ADAMTS3: variants seen among roughly 807,000 people sequenced by gnomAD.
ADAMTS3 encodes the protein ADAM metallopeptidase with thrombospondin type 1 motif 3.
Under a neutral mutation model 129.0 loss-of-function variants are expected in ADAMTS3, and 73 were observed. The observed-to-expected ratio is 0.57, with a 90% CI of 0.47 to 0.69. ADAMTS3 has a LOEUF of 0.69. Ranked by LOEUF, ADAMTS3 falls within the 30% of genes least tolerant of loss-of-function variation. The pLI is 0.00. For synonymous variants in ADAMTS3, 477 were observed against 510.8 expected, an observed-to-expected ratio of 0.93 and a Z score of 0.89; for missense variants, 1,457 against 1,514.5, an observed-to-expected ratio of 0.96 and a Z score of 0.63.
At chr4:72,491,007 T>C (rs964867374) in intron 3 of ADAMTS3, among the ~76,000 whole-genome samples, 5 of 152,064 alleles carry the variant, frequency 3.3e-5, no homozygotes, top group Middle Eastern at 3.4e-3. Flanking sequence ...CAATGCTTTA[T>C]AGTTTTTAGT....
intron 3 of ADAMTS3, among the ~76,000 whole-genome samples, chr4:72,422,652 A>G (rs910300506): frequency 3.9e-5 from 6 of 152,152 alleles, no homozygotes; most frequent in Non-Finnish European, 8.8e-5. Flanking sequence ...TTCAGAATTA[A>G]GTCAGATAGC....
At chr4:72,465,779 T>C (rs1578705354) in intron 3 of ADAMTS3, among the ~76,000 whole-genome samples, 5 of 151,950 alleles carry the variant, frequency 3.3e-5, no homozygotes, top group Admixed American at 2.6e-4. Flanking sequence ...GGTGGGGCCA[T>C]GTGGAGATAA....
At chr4:72,320,074 G>A in intron 7 of ADAMTS3, 111 bp from the exon 8 acceptor site, 1 of 794,544 alleles carries the variant, frequency 1.3e-6, no homozygotes, top group Non-Finnish European at 2.1e-6. Context: ...AGGAAACAGG[G>A]GTAGCATTAT....
intron 7 of ADAMTS3, among the ~76,000 whole-genome samples, chr4:72,320,173 C>T (rs573729685): frequency 6.6e-6 from 1 of 152,264 alleles, no homozygotes; most frequent in East Asian, 1.9e-4. Context: ...TTTCTCCTTT[C>T]CTAAGGGAAG....
chr4:72,544,793 G>C (rs776192130), intron 3 of ADAMTS3, among the ~76,000 whole-genome samples: 3 of 152,078 alleles, frequency 2.0e-5, no homozygotes, highest in Non-Finnish European at 4.4e-5. Context: ...TTACTTTTCA[G>C]GCCAACAATA....
intron 17 of ADAMTS3, 139 bp from the exon 18 acceptor site, chr4:72,298,581 T>A: frequency 1.6e-6 from 1 of 645,086 alleles, no homozygotes; most frequent in Non-Finnish European, 2.5e-6. Flanking sequence ...TGTTTTTATT[T>A]CTATAAACCA....
Position 72,439,587 on chromosome 4 carries a change from A to G in ADAMTS3, c.505-24616T>C, listed in dbSNP as rs1041020766. Reference sequence around the variant, plus strand: ...AAGTTTCATTTTTGTTAAAACATGAATGAAAAAAATCATATTATTTAGATT... The same window carrying G: ...AAGTTTCATTTTTGTTAAAACATGAGTGAAAAAAATCATATTATTTAGATT... On this transcript the variant is annotated intron_variant, in intron 3 of 21. Coordinates refer to ENST00000286657, the MANE Select transcript of ADAMTS3 (RefSeq NM_014243.3). Among the ~76,000 whole-genome samples the G allele has an allele frequency of 2.6e-5, 4 of 151,800 alleles. No homozygotes were observed. In the East Asian group the frequency reaches 7.8e-4, roughly 30 times the overall value.
chr4:72,556,124 C>CAGGAAGGA (rs529188663), intron 2 of ADAMTS3, among the ~76,000 whole-genome samples: 1 of 151,338 alleles, frequency 6.6e-6, no homozygotes, highest in Non-Finnish European at 1.5e-5. Context: ...GTGTATATTA[C>CAGGAAGGA]AGGAAGGAAG....
At chr4:72,427,884 C>T (rs895281141) in intron 3 of ADAMTS3, among the ~76,000 whole-genome samples, 6 of 151,886 alleles carry the variant, frequency 4.0e-5, no homozygotes, top group Non-Finnish European at 8.8e-5. Flanking sequence ...ATATCTGTTG[C>T]TAAAATTCCA....
chr4:72,283,254 G>T lies in ADAMTS3; in HGVS notation c.3500C>A (p.Ala1167Asp). 6.2e-7 allele frequency: 1 copy of T among 1,614,052 alleles called. No homozygotes were observed. Among genetic ancestry groups the T allele is most frequent in the Non-Finnish European group, 8.5e-7 (1 of 1,179,950 alleles). The change falls in exon 22 of 22, where the codon GCT (alanine) becomes GAT (aspartate). Residue 1167 changes from alanine (A) to aspartate (D), a missense_variant. Transcript: ENST00000286657. ...HLSSASQMAA[A>D]SFFAASDSIG... ...TGAATCACTGGCTGCAAAGAAGGAA[G>T]CAGCAGCCATTTGTGAAGCTGAACT...
At chr4:72,388,424 T>C (rs1203930990) in intron 4 of ADAMTS3, among the ~76,000 whole-genome samples, 1 of 152,164 alleles carries the variant, frequency 6.6e-6, no homozygotes, top group Non-Finnish European at 1.5e-5. Context: ...GAATTATGTG[T>C]GCTTCCCTAC....
At chr4:72,288,697 C>T in intron 21 of ADAMTS3, 54 bp downstream of exon 21, 2 of 1,170,302 alleles carry the variant, frequency 1.7e-6, no homozygotes, top group Non-Finnish European at 2.5e-6. Context: ...GGAAATTCTG[C>T]TTTTTGAGGT....
intron 5 of ADAMTS3, among the ~76,000 whole-genome samples, chr4:72,336,248 CT>C (rs1167721891): frequency 3.9e-5 from 6 of 152,298 alleles, no homozygotes; most frequent in Admixed American, 6.5e-5. Context: ...GAATTTTTTG[CT>C]GTTAGCTTTC....
intron 5 of ADAMTS3, among the ~76,000 whole-genome samples, chr4:72,334,326 AT>A (rs1262108149): frequency 3.9e-5 from 6 of 152,130 alleles, no homozygotes; most frequent in Non-Finnish European, 7.3e-5. Flanking sequence ...TAACCACCAT[AT>A]ACCTGGCATA....
intron 3 of ADAMTS3, among the ~76,000 whole-genome samples, chr4:72,460,574 A>G (rs901652221): frequency 1.3e-5 from 2 of 151,438 alleles, no homozygotes; most frequent in African/African-American, 2.4e-5. Flanking sequence ...ATATATTAAT[A>G]AAAGTCATAA....
At chr4:72,369,151 T>C (rs1720942299) in intron 4 of ADAMTS3, among the ~76,000 whole-genome samples, 1 of 152,266 alleles carries the variant, frequency 6.6e-6, no homozygotes, top group African/African-American at 2.4e-5. Flanking sequence ...CTACGCATGG[T>C]GTCTTTACTT....
chr4:72,453,452 C>T (rs1718461396), intron 3 of ADAMTS3, among the ~76,000 whole-genome samples: 1 of 151,742 alleles, frequency 6.6e-6, no homozygotes, highest in African/African-American at 2.4e-5. Context: ...CCCAACAATC[C>T]AGCAAGTCAG....
chr4:72,550,862 C>T (rs1721628871), intron 2 of ADAMTS3, among the ~76,000 whole-genome samples: 1 of 152,036 alleles, frequency 6.6e-6, no homozygotes, highest in African/African-American at 2.4e-5. Flanking sequence ...AAAACATAGC[C>T]CAAATTAACT....
At chr4:72,483,235 G>A (rs1001995035) in intron 3 of ADAMTS3, among the ~76,000 whole-genome samples, 1 of 152,084 alleles carries the variant, frequency 6.6e-6, no homozygotes, top group South Asian at 2.1e-4. Flanking sequence ...GACAGTTTAT[G>A]TAGAAAATTA....
Sources: gnomAD v4.1 joint callset for allele counts (sites outside exome capture counted in the v4.1 genomes callset) on GRCh38, gnomAD v4.1.1 for gene constraint, MANE v1.5 for transcripts, NCBI Gene and HGNC (gene_info 2026-07-23, HGNC 2026-07-21) for gene names.